The following APPL2 variants were observed in gnomAD, a reference collection of about 807,000 sequenced individuals.
The protein encoded by APPL2 is adaptor protein, phosphotyrosine interacting with PH domain and leucine zipper 2, also known as DCC-interacting protein 13-beta.
APPL2 carries 84 observed loss-of-function variants against 92.7 expected under a neutral mutation model. That is an observed-to-expected ratio of 0.91 (90% CI 0.76 to 1.09). The LOEUF is 1.09. Among genes scored for constraint, APPL2 ranks in the 50% least tolerant of loss-of-function variants. The pLI is 0.00. For synonymous variants in APPL2, 291 were observed against 291.0 expected, an observed-to-expected ratio of 1.00 and a Z score of 0.00; for missense variants, 736 against 824.5, an observed-to-expected ratio of 0.89 and a Z score of 1.31.
In APPL2 at chr12:105,220,868, C is replaced by T. The variant is rs144067034; in HGVS notation, c.154-3143G>A. On this transcript the variant is annotated intron_variant, in intron 2 of 20. Coordinates refer to ENST00000258530, the MANE Select transcript of APPL2 (RefSeq NM_018171.5). Reference sequence around the variant, plus strand: ...AACACACAACAGCTGCCTTCCAAAACGACTTCGAACAACCAGACTCTCTGG... The same window carrying T: ...AACACACAACAGCTGCCTTCCAAAATGACTTCGAACAACCAGACTCTCTGG... 3.7e-4 allele frequency among the ~76,000 whole-genome samples: 57 copies of T among 152,362 alleles called. 1 individual carries two copies. In the East Asian group the frequency reaches 9.6e-3, roughly 26 times the overall value.
At position 105,186,653 on chromosome 12, in the gene APPL2, TATCATA is replaced by T. The variant is rs1566056255; in HGVS notation, c.1634+1614_1634+1619del. Among the ~76,000 whole-genome samples, 19 of 36,998 alleles carry T rather than the reference TATCATA, an allele frequency of 5.1e-4. 1 individual carries two copies. The highest frequency in any genetic ancestry group is 3.3e-3 in the Admixed American group (9 of 2,742). The allele number at this position is 36,998 out of a possible 152,430, so 24.3% of individuals were successfully genotyped here. A position where few individuals can be genotyped will look rare whatever the true frequency, so the allele number is the denominator to read the frequency against. Reference sequence around the variant, plus strand: ...ATATATATCATATATATGATATCGATATCATATATATCATATATATGATATATCATA... The same window carrying T: ...ATATATATCATATATATGATATCGATTATATCATATATATGATATATCATA... On this transcript the variant is annotated intron_variant, in intron 17 of 20. Transcript: ENST00000258530.
chr12:105,176,454 G>A, intron 19 of APPL2: 1 of 444,840 alleles, frequency 2.2e-6, no homozygotes. Context: ...ATTCTAAGTA[G>A]CAGATAGAGT....
chr12:105,201,864 TCCCACCA>T (rs1888238720), intron 9 of APPL2, among the ~76,000 whole-genome samples: 2 of 152,098 alleles, frequency 1.3e-5, no homozygotes, highest in South Asian at 4.1e-4. Flanking sequence ...CTGTCTGGAT[TCCCACCA>T]CTGGGTTCTG....
chr12:105,186,698 T>TGA (rs372337935), intron 17 of APPL2, among the ~76,000 whole-genome samples: 2 of 46,696 alleles, frequency 4.3e-5, no homozygotes, highest in Non-Finnish European at 5.5e-5. Flanking sequence ...ATATCATATA[T>TGA]CATATCATAT....
rs1364036858 is a variant in APPL2, at chr12:105,189,719, C to T, written c.1459+53G>A. On this transcript the variant is annotated intron_variant, in intron 16 of 20. Coordinates refer to ENST00000258530, the MANE Select transcript of APPL2 (RefSeq NM_018171.5). ...ATGATTTCACATCTTATTTCAATGGCCGTTGTCATTTTGTGCAGAGGAAAG... is the reference window on the plus strand; with the variant it reads ...ATGATTTCACATCTTATTTCAATGGTCGTTGTCATTTTGTGCAGAGGAAAG... The T allele has an allele frequency of 9.1e-6, 14 of 1,533,110 alleles. No homozygotes were observed. In the East Asian group the frequency reaches 1.6e-4, roughly 17 times the overall value. The allele number at this position is 1,533,110 out of a possible 1,614,324, so 95.0% of individuals were successfully genotyped here.
At chr12:105,227,722 C>A (rs1313514089) in intron 2 of APPL2, among the ~76,000 whole-genome samples, 2 of 152,180 alleles carry the variant, frequency 1.3e-5, no homozygotes, top group African/African-American at 4.8e-5. Context: ...TTGGCTCCAG[C>A]TGATTTGCTC....
At chr12:105,209,071 T>A (rs538447900) in intron 5 of APPL2, among the ~76,000 whole-genome samples, 1 of 152,296 alleles carries the variant, frequency 6.6e-6, no homozygotes, top group South Asian at 2.1e-4. Context: ...TTTTTCTTTC[T>A]TTCTCTCCCA....
Position 105,174,127 on chromosome 12 carries a change from G to GT in APPL2, c.*186dup, listed in dbSNP as rs1885243467. The stretch of plus-strand genomic sequence containing the variant: ...GCACCTAAAATAACATTGTAGATGG[G>GT]TGGGAACGCTGTCAACCATTTCTTA... On this transcript the variant is annotated 3_prime_UTR_variant, in exon 21 of 21. Coordinates refer to ENST00000258530, the MANE Select transcript of APPL2 (RefSeq NM_018171.5). The GT allele has an allele frequency of 3.2e-6, 2 of 633,956 alleles. No homozygotes were observed. Among genetic ancestry groups the GT allele is most frequent in the East Asian group, 3.2e-5 (1 of 31,466 alleles). The allele number at this position is 633,956 out of a possible 1,614,324, so 39.3% of individuals were successfully genotyped here.
In APPL2 at chr12:105,229,114, T is replaced by C; in HGVS notation, c.153+11A>G. The C allele has an allele frequency of 6.2e-7, 1 of 1,605,938 alleles. No homozygotes were observed. The highest frequency in any genetic ancestry group is 1.1e-5 in the South Asian group (1 of 90,272). ...CACTCTGCGGTATCCAGGTGAGGGG[T>C]GGCAGCATACCTGGGCTCCATAGAC... On this transcript the variant is annotated intron_variant, in intron 2 of 20. Coordinates refer to ENST00000258530, the MANE Select transcript of APPL2 (RefSeq NM_018171.5).
chr12:105,213,276 G>A (rs1202484859), intron 4 of APPL2, among the ~76,000 whole-genome samples: 1 of 152,086 alleles, frequency 6.6e-6, no homozygotes, highest in East Asian at 1.9e-4. Flanking sequence ...TTTTAACATG[G>A]GGCTTTTGAG....
chr12:105,180,862 G>C (rs189730189), intron 17 of APPL2, among the ~76,000 whole-genome samples: 2 of 152,264 alleles, frequency 1.3e-5, no homozygotes, highest in Admixed American at 6.5e-5. Context: ...GAGTTTTTGG[G>C]CTGAGACGAT....
chr12:105,221,118 G>T (rs1890065906), intron 2 of APPL2, among the ~76,000 whole-genome samples: 1 of 152,174 alleles, frequency 6.6e-6, no homozygotes, highest in African/African-American at 2.4e-5. Flanking sequence ...GTACACAAAG[G>T]TTGTAAGAAA....
At chr12:105,207,832 G>GTCGCCGT in intron 7 of APPL2, 139 bp downstream of exon 7, 1 of 716,086 alleles carries the variant, frequency 1.4e-6, no homozygotes, top group Admixed American at 2.8e-5. Context: ...ATGAGATTTG[G>GTCGCCGT]AATGAACAAT....
intron 7 of APPL2, 74 bp from the exon 8 acceptor site, chr12:105,207,281 A>G: frequency 6.9e-7 from 1 of 1,455,404 alleles, no homozygotes; most frequent in East Asian, 2.3e-5. Flanking sequence ...TGTGCTTCAA[A>G]ATGTGTGTTT....
chr12:105,207,123 C>T lies in APPL2; in HGVS notation c.559G>A (p.Ala187Thr), dbSNP rs558129964. ...SSLQYYCALN[A>T]LQYRKQMAMM... ...GCCATTTGCTTTCTGTACTGCAGCG[C>T]GTTGAGGGCACAGTAGTACTGAAGG... The change falls in exon 8 of 21, where the codon GCG (alanine) becomes ACG (threonine). Residue 187 changes from alanine (A) to threonine (T), a missense_variant. Ala to Thr is a moderately conservative substitution (Grantham distance 58). Coordinates refer to ENST00000258530, the MANE Select transcript of APPL2 (RefSeq NM_018171.5). 28 of 1,614,172 alleles carry T rather than the reference C, an allele frequency of 1.7e-5. No homozygotes were observed. The highest frequency in any genetic ancestry group is 1.1e-4 in the South Asian group (10 of 91,090).
intron 17 of APPL2, among the ~76,000 whole-genome samples, chr12:105,186,673 TG>T (rs71440571): frequency 0.014 from 1,015 of 70,650 alleles, 6 homozygotes; most frequent in Non-Finnish European, 0.02. Flanking sequence ...ATCATATATA[TG>T]ATATATCATA....
At chr12:105,179,794 AT>A (rs1885929717) in intron 17 of APPL2, among the ~76,000 whole-genome samples, 6 of 152,154 alleles carry the variant, frequency 3.9e-5, no homozygotes, top group Non-Finnish European at 5.9e-5. Flanking sequence ...ATGTCTGTTC[AT>A]ATCCTTCACC....
chr12:105,219,400 G>C (rs978803328), intron 2 of APPL2, among the ~76,000 whole-genome samples: 2 of 152,108 alleles, frequency 1.3e-5, no homozygotes, highest in African/African-American at 4.8e-5. Context: ...ACATCCTACT[G>C]GTATTCAACC....
chr12:105,195,514 T>C lies in APPL2; in HGVS notation c.1096-13A>G, dbSNP rs1351226033. 2 of 1,614,128 alleles carry C rather than the reference T, an allele frequency of 1.2e-6. No homozygotes were observed. The highest frequency in any genetic ancestry group is 1.1e-5 in the South Asian group (1 of 91,080). Reference sequence around the variant, plus strand: ...TTGCACATATCCACTGTAGAGGACATTAAAAAAGAACACTGAATCCCAAAG... The same window carrying C: ...TTGCACATATCCACTGTAGAGGACACTAAAAAAGAACACTGAATCCCAAAG... On this transcript the variant is annotated splice_polypyrimidine_tract_variant and intron_variant, in intron 12 of 20. Coordinates refer to ENST00000258530, the MANE Select transcript of APPL2 (RefSeq NM_018171.5).
Sources: allele counts gnomAD v4.1 joint callset (sites outside exome capture counted in the v4.1 genomes callset), GRCh38; gene constraint gnomAD v4.1.1; transcripts MANE v1.5; gene names NCBI Gene and HGNC (gene_info 2026-07-23, HGNC 2026-07-21).